Variants in DSP observed in about 807,000 individuals in gnomAD.
The protein encoded by DSP is desmoplakin.
Under a neutral mutation model 290.6 loss-of-function variants are expected in DSP, and 114 were observed. That is an observed-to-expected ratio of 0.39 (90% CI 0.34 to 0.46). The LOEUF is 0.46. DSP is among the 20% of genes least tolerant of loss of function. DSP has a pLI of 0.99. For missense variants in DSP, 3,230 were observed against 3,495.8 expected, an observed-to-expected ratio of 0.92 and a Z score of 1.92; for synonymous variants, 1,311 against 1,316.4, an observed-to-expected ratio of 1.00 and a Z score of 0.09.
intron 1 of DSP, among the ~76,000 whole-genome samples, chr6:7,550,864 C>T (rs1479889396): frequency 1.3e-5 from 2 of 150,688 alleles, no homozygotes; most frequent in African/African-American, 2.4e-5. Context: ...ATTTAAAAAT[C>T]GAACTTCATG....
In DSP at chr6:7,541,822, C is replaced by A; in HGVS notation, c.-94C>A. 6.9e-7 allele frequency: 1 copy of A among 1,452,970 alleles called. No individual in the cohort carries two copies. Among genetic ancestry groups the A allele is most frequent in the Non-Finnish European group, 9.2e-7 (1 of 1,090,396 alleles). 90.0% of individuals were successfully genotyped at this position (1,452,970 alleles called of 1,614,324 possible). A position where few individuals can be genotyped will look rare whatever the true frequency, so the allele number is the denominator to read the frequency against. On this transcript the variant is annotated 5_prime_UTR_variant, in exon 1 of 24. Transcript: ENST00000379802. The stretch of plus-strand genomic sequence containing the variant: ...TCCGCACTCCCGCCCGGTTCCCCGG[C>A]CGTCCGCCTATCCTTGGCCCCCTCC...
In DSP at chr6:7,584,455, A is replaced by T; in HGVS notation, c.7193A>T (p.Asn2398Ile). Residue 2398 changes from asparagine (N) to isoleucine (I), a missense_variant, in exon 24 of 24, where the codon AAT becomes ATT. Coordinates refer to ENST00000379802, the MANE Select transcript of DSP (RefSeq NM_004415.4). The surrounding 1 kb of genome is among the most constrained non-coding windows in gnomAD (Gnocchi z 6.4). ...VDIAYKRGYF[N>I]EELSEILSDP... is the part of the protein sequence containing the mutation. ...ATAGCATATAAGAGGGGCTATTTCA[A>T]TGAGGAACTCAGTGAGATTCTCTCA... The T allele has an allele frequency of 6.2e-7, 1 of 1,614,212 alleles. No homozygotes were observed. Among genetic ancestry groups the T allele is most frequent in the South Asian group, 1.1e-5 (1 of 91,090 alleles).
chr6:7,570,896 G>A (rs972976208), intron 13 of DSP, among the ~76,000 whole-genome samples: 4 of 152,080 alleles, frequency 2.6e-5, no homozygotes, highest in African/African-American at 4.8e-5. Flanking sequence ...GGATTAACTG[G>A]GTATCACAAA....
At position 7,584,926 on chromosome 6, in the gene DSP, C is replaced by G; in HGVS notation, c.7664C>G (p.Thr2555Ser). The change falls in exon 24 of 24, where the codon ACT becomes AGT. Residue 2555 changes from threonine (T) to serine (S), a missense_variant. Physicochemically the swap from Thr to Ser is moderately conservative, Grantham distance 58 (BLOSUM62 1). This residue lies in a region of DSP where 582 missense variants were observed against 555.4 expected (regional missense o/e 1.05). Transcript: ENST00000379802. This position sits in a 1 kb window ranked among gnomAD's most constrained non-coding sequence, Gnocchi z 6.4. ...TACCGATCCGGCAGCCTCAGCCTCA[C>G]TCAATTTGCTGACATGATCTCCTTG... ...DQYRSGSLSL[T>S]QFADMISLKN... is the part of the protein sequence containing the mutation. The G allele has an allele frequency of 2.5e-6, 4 of 1,614,214 alleles. No individual in the cohort carries two copies. Among genetic ancestry groups the G allele is most frequent in the Non-Finnish European group, 3.4e-6 (4 of 1,180,034 alleles).
intron 1 of DSP, among the ~76,000 whole-genome samples, chr6:7,544,755 G>GTA (rs1561672507): frequency 6.6e-6 from 1 of 152,108 alleles, no homozygotes. Context: ...TTTTAGGACA[G>GTA]TATTAGATCT....
chr6:7,585,858 A>T lies in DSP; in HGVS notation c.8596A>T (p.Ser2866Cys). ...SSYSYSYSFS[S>C]SSIGH ...CTACTCTTATTCCTACTCATTTAGC[A>T]GTAGTTCTATTGGGCACTAGTAGTC... Residue 2866 changes from serine (S) to cysteine (C), a missense_variant, in exon 24 of 24, where the codon AGT becomes TGT. Around this residue, in one of 5 missense-constraint regions of DSP, gnomAD observed 582 missense variants for 555.4 expected, o/e 1.05. Transcript: ENST00000379802. 1 of 1,614,056 alleles carries T rather than the reference A, an allele frequency of 6.2e-7. No homozygotes were observed. The highest frequency in any genetic ancestry group is 8.5e-7 in the Non-Finnish European group (1 of 1,180,034).
chr6:7,570,543 A>G lies in DSP; in HGVS notation c.1681A>G (p.Arg561Gly). The G allele has an allele frequency of 1.2e-6, 2 of 1,613,540 alleles. No individual in the cohort carries two copies. The highest frequency in any genetic ancestry group is 1.1e-5 in the South Asian group (1 of 91,048). Residue 561 changes from arginine (R) to glycine (G), a missense_variant, in exon 13 of 24, where the codon AGG (arginine) becomes GGG (glycine). Transcript: ENST00000379802. ...HYCMIDIEKI[R>G]AMTIAKLKTM... ...CTGCATGATTGACATAGAGAAGATC[A>G]GGGCCATGACAATCGCCAAGGTATG...
intron 4 of DSP, 135 bp downstream of exon 4, chr6:7,559,535 T>C: frequency 1.8e-6 from 2 of 1,092,056 alleles, no homozygotes; most frequent in Non-Finnish European, 2.7e-6. Context: ...TGCAGGATTT[T>C]CCTCCTATAC....
rs730880086 is a variant in DSP, at chr6:7,583,447, A to G, written c.6185A>G (p.His2062Arg). 5 of 1,614,156 alleles carry G rather than the reference A, an allele frequency of 3.1e-6. No homozygotes were observed. The highest frequency in any genetic ancestry group is 4.2e-6 in the Non-Finnish European group (5 of 1,180,032). The change falls in exon 24 of 24, where the codon CAT becomes CGT. Residue 2062 changes from histidine to arginine, a missense_variant. Physicochemically the swap from His to Arg is conservative, Grantham distance 29. Transcript: ENST00000379802. The surrounding 1 kb of genome is among the most constrained non-coding windows in gnomAD (Gnocchi z 4.0). ...GCTACAGGTGGTATAATTGATCCCC[A>G]TCGGAATGAGAAGCTGACTGTCGAC... ...QAATGGIIDP[H>R]RNEKLTVDSA... is the part of the protein sequence containing the mutation.
intron 1 of DSP, among the ~76,000 whole-genome samples, chr6:7,554,131 T>C (rs1468570137): frequency 9.8e-5 from 3 of 30,582 alleles, no homozygotes; most frequent in African/African-American, 3.7e-4. Context: ...ACACACCCAG[T>C]TGGTTAGACA....
intron 4 of DSP, among the ~76,000 whole-genome samples, chr6:7,561,114 G>A (rs1358355555): frequency 9.9e-5 from 15 of 152,110 alleles, no homozygotes; most frequent in Admixed American, 9.8e-4. Flanking sequence ...ACCATGGCAA[G>A]CTGATTTTTT....
intron 4 of DSP, among the ~76,000 whole-genome samples, chr6:7,560,140 T>G (rs1424137178): frequency 6.6e-6 from 1 of 152,244 alleles, no homozygotes; most frequent in Non-Finnish European, 1.5e-5. Flanking sequence ...AATGAAAACC[T>G]ACTCCTAACC....
intron 1 of DSP, among the ~76,000 whole-genome samples, chr6:7,553,963 A>C (rs957771741): frequency 1.1e-4 from 16 of 152,242 alleles, no homozygotes; most frequent in African/African-American, 3.4e-4. Flanking sequence ...CCATGGTGAG[A>C]CAGTGCAGCC....
At position 7,544,491 on chromosome 6, in the gene DSP, C is replaced by CTTT. The variant is rs386406062; in HGVS notation, c.170+2417_170+2419dup. 2.4e-3 allele frequency among the ~76,000 whole-genome samples: 344 copies of CTTT among 142,796 alleles called. 1 individual carries two copies. Among genetic ancestry groups the CTTT allele is most frequent in the Middle Eastern group, 7.3e-3 (2 of 274 alleles). 93.7% of individuals were successfully genotyped at this position (142,796 alleles called of 152,430 possible). A position where few individuals can be genotyped will look rare whatever the true frequency, so the allele number is the denominator to read the frequency against. On this transcript the variant is annotated intron_variant, in intron 1 of 23. Transcript: ENST00000379802. ...TTTTGTGGTTTTCTTTTCTTTCTTT[C>CTTT]TTTTTTTTTTTTTAGCATGAAAACT...
At chr6:7,551,163 C>T (rs1758330603) in intron 1 of DSP, among the ~76,000 whole-genome samples, 1 of 151,752 alleles carries the variant, frequency 6.6e-6, no homozygotes, top group African/African-American at 2.4e-5. Flanking sequence ...TGGTCATTTC[C>T]TAAAATTGAG....
intron 7 of DSP, 112 bp from the exon 8 acceptor site, chr6:7,566,265 A>G (rs1758861078): frequency 1.2e-6 from 1 of 849,518 alleles, no homozygotes; most frequent in Non-Finnish European, 2.0e-6. Context: ...ATTCTTTGGC[A>G]TTGTTCATTT....
intron 4 of DSP, among the ~76,000 whole-genome samples, chr6:7,560,023 T>A (rs1257878659): frequency 2.0e-5 from 3 of 152,240 alleles, no homozygotes; most frequent in African/African-American, 7.2e-5. Context: ...TTCTGCAAAG[T>A]ATTTTTCAAG....
At position 7,583,882 on chromosome 6, in the gene DSP, G is replaced by A; in HGVS notation, c.6620G>A (p.Ser2207Asn). The A allele has an allele frequency of 1.2e-6, 2 of 1,614,162 alleles. No individual in the cohort carries two copies. The highest frequency in any genetic ancestry group is 1.1e-5 in the South Asian group (1 of 91,086). ...GLLLLSVQKRSMSFQGIRQPV... is the reference protein window; with the variant it reads ...GLLLLSVQKRNMSFQGIRQPV... ...CTCTTGCTTTCAGTACAGAAGAGAA[G>A]CATGTCCTTCCAAGGAATCAGACAA... Residue 2207 changes from serine (S) to asparagine (N), a missense_variant, in exon 24 of 24, where the codon AGC (serine) becomes AAC (asparagine). Around this residue, in one of 5 missense-constraint regions of DSP, gnomAD observed 207 missense variants for 281.2 expected, o/e 0.74. Transcript: ENST00000379802. The surrounding 1 kb of genome is among the most constrained non-coding windows in gnomAD (Gnocchi z 4.0).
rs1581799561 is a variant in DSP, at chr6:7,565,567, C to A, written c.939+47C>A. The A allele has an allele frequency of 6.2e-7, 1 of 1,609,638 alleles. No homozygotes were observed. Among genetic ancestry groups the A allele is most frequent in the African/African-American group, 1.3e-5 (1 of 74,802 alleles). ...GTAGATGCTTGTCTTGAGCCTGTTG[C>A]CTTGAAGAGCTGGGGTCTCGGGGAA... On this transcript the variant is annotated intron_variant, in intron 7 of 23. Coordinates refer to ENST00000379802, the MANE Select transcript of DSP (RefSeq NM_004415.4). This position sits in a 1 kb window ranked among gnomAD's most constrained non-coding sequence, Gnocchi z 4.2.
Sources: gnomAD v4.1 joint callset for allele counts (sites outside exome capture counted in the v4.1 genomes callset) on GRCh38, gnomAD v4.1.1 for gene constraint, gnomAD v4.1.1 regional missense constraint, Gnocchi (gnomAD v3.1) non-coding constraint, MANE v1.5 for transcripts, NCBI Gene and HGNC (gene_info 2026-07-23, HGNC 2026-07-21) for gene names.